NSMAF: variants seen among roughly 807,000 people sequenced by gnomAD.
NSMAF encodes the protein protein FAN.
NSMAF carries 90 observed loss-of-function variants against 134.9 expected under a neutral mutation model. That is an observed-to-expected ratio of 0.67 (90% CI 0.56 to 0.79). NSMAF has a LOEUF of 0.79. NSMAF is among the 30% of genes least tolerant of loss of function. NSMAF has a pLI of 0.00. For missense variants in NSMAF, 1,010 were observed against 1,119.0 expected, an observed-to-expected ratio of 0.90 and a Z score of 1.39; for synonymous variants, 358 against 389.6, an observed-to-expected ratio of 0.92 and a Z score of 0.96.
rs918361457 is a variant in NSMAF, at chr8:58,599,816, A to G, written c.1387T>C (p.Leu463=). 5 of 1,614,126 alleles carry G rather than the reference A, an allele frequency of 3.1e-6. No homozygotes were observed. The highest frequency in any genetic ancestry group is 1.7e-5 in the Admixed American group (1 of 60,016). ...DVSFLVNSLK[L]DLGKRQGGQM... ...CCTCCTTGTCTCTTTCCCAAATCCA[A>G]CTTCAGGCTATTGACTAGAAAGCTC... The change falls in exon 18 of 31, where the codon TTG becomes CTG. Residue 463 remains leucine (L), a synonymous_variant. Transcript: ENST00000038176.
At position 58,623,360 on chromosome 8, in the gene NSMAF, T is replaced by G. The variant is rs1387941435; in HGVS notation, c.504+17A>C. ...GTTAATTGACAATCAAAGACAGACA[T>G]TGTTAAGAATACTTACCATGGCGGT... On this transcript the variant is annotated intron_variant, in intron 8 of 30. Transcript: ENST00000038176. 6.2e-7 allele frequency: 1 copy of G among 1,613,026 alleles called. No homozygotes were observed. The highest frequency in any genetic ancestry group is 8.5e-7 in the Non-Finnish European group (1 of 1,179,162).
At chr8:58,653,461 AC>A (rs149019489) in intron 1 of NSMAF, among the ~76,000 whole-genome samples, 5,426 of 152,226 alleles carry the variant, frequency 0.036, 319 homozygotes, top group East Asian at 0.25. Flanking sequence ...AAGCCTTAGG[AC>A]ACAGAATAGT....
chr8:58,620,199 G>A (rs1806753666), intron 9 of NSMAF, among the ~76,000 whole-genome samples: 1 of 152,172 alleles, frequency 6.6e-6, no homozygotes, highest in Non-Finnish European at 1.5e-5. Flanking sequence ...GGTACTTATT[G>A]CAACTTGAAG....
intron 6 of NSMAF, among the ~76,000 whole-genome samples, chr8:58,625,511 T>C (rs1055485301): frequency 6.6e-6 from 1 of 152,336 alleles, no homozygotes; most frequent in East Asian, 1.9e-4. Flanking sequence ...ATCTTTCTGA[T>C]AAATTGACCC....
chr8:58,615,583 A>G (rs981767102), intron 9 of NSMAF, among the ~76,000 whole-genome samples: 1 of 152,230 alleles, frequency 6.6e-6, no homozygotes, highest in Non-Finnish European at 1.5e-5. Context: ...TAAATTACCT[A>G]TGGGCCAAAG....
intron 21 of NSMAF, chr8:58,595,863 G>C (rs1806127063): frequency 2.1e-6 from 1 of 484,048 alleles, no homozygotes. Flanking sequence ...AAGTATCTTT[G>C]AATAATACTA....
rs142293482 is a variant in NSMAF, at chr8:58,609,655, G to A, written c.636C>T (p.His212=). Residue 212 remains histidine, a synonymous_variant, in exon 10 of 31, where the codon CAC becomes CAT. Coordinates refer to ENST00000038176, the MANE Select transcript of NSMAF (RefSeq NM_003580.4). ...ACAGGTTTGTGTCCGTGATGCACAC[G>A]TGTCCAGGATTAGTCACCAGAGGCG... is the stretch of plus-strand genomic sequence containing the variant. The part of the protein sequence containing the change: ...MVTPLVTNPG[H]VCITDTNLYF... 206 of 1,614,134 alleles carry A rather than the reference G, an allele frequency of 1.3e-4. 1 individual carries two copies. The African/African-American group carries it at 2.2e-3, about 17-fold the overall frequency.
rs560366484 is a variant in NSMAF, at chr8:58,594,142, C to A, written c.1951+90G>T. On this transcript the variant is annotated intron_variant, in intron 23 of 30. Transcript: ENST00000038176. ...TTACTTTATGTGGAGGCAGCACATG[C>A]AAGTGCAGTCCTTGACCACGAGCTA... is the stretch of plus-strand genomic sequence containing the variant. 31 of 1,045,644 alleles carry A rather than the reference C, an allele frequency of 3.0e-5. 1 individual carries two copies. Among genetic ancestry groups the A allele is most frequent in the South Asian group, 5.2e-5 (4 of 76,724 alleles). The allele number at this position is 1,045,644 out of a possible 1,614,324, so 64.8% of individuals were successfully genotyped here.
intron 5 of NSMAF, among the ~76,000 whole-genome samples, chr8:58,633,983 G>A (rs1451342966): frequency 6.6e-6 from 1 of 152,140 alleles, no homozygotes; most frequent in Non-Finnish European, 1.5e-5. Context: ...TAACTAAAAT[G>A]TATAGTTTTA....
chr8:58,619,343 A>C (rs1474615179), intron 9 of NSMAF, among the ~76,000 whole-genome samples: 1 of 152,206 alleles, frequency 6.6e-6, no homozygotes, highest in Non-Finnish European at 1.5e-5. Flanking sequence ...AATAAAATAG[A>C]ATATTACAAA....
At chr8:58,587,974 G>T (rs1805929842) in intron 26 of NSMAF, among the ~76,000 whole-genome samples, 2 of 152,146 alleles carry the variant, frequency 1.3e-5, no homozygotes, top group South Asian at 4.1e-4. Context: ...AAGGAAATAT[G>T]AGTGTAGAAG....
chr8:58,601,401 C>A, intron 15 of NSMAF, 44 bp downstream of exon 15: 1 of 1,610,334 alleles, frequency 6.2e-7, no homozygotes, highest in Non-Finnish European at 8.5e-7. Context: ...TTGAAGAATA[C>A]AGTGAAATAA....
At chr8:58,623,196 T>C in intron 9 of NSMAF, 24 bp downstream of exon 9, 1 of 1,549,156 alleles carries the variant, frequency 6.5e-7, no homozygotes, top group Non-Finnish European at 8.9e-7. Context: ...CTTTTCTAAT[T>C]AGGAAAGATC....
chr8:58,655,681 G>A (rs922776081), intron 1 of NSMAF, among the ~76,000 whole-genome samples: 25 of 152,212 alleles, frequency 1.6e-4, no homozygotes, highest in Non-Finnish European at 3.2e-4. Flanking sequence ...GCCGAGGCGG[G>A]CGGATCACGA....
rs897523140 is a variant in NSMAF at position 58,613,530 on chromosome 8, G to A, written c.558-3797C>T. Reference sequence around the variant, plus strand: ...AGTACTGAAAAATACGAGAATTACCGAAAAGAAGGGAGAAAAGGAGGAGCA... The same window carrying A: ...AGTACTGAAAAATACGAGAATTACCAAAAAGAAGGGAGAAAAGGAGGAGCA... On this transcript the variant is annotated intron_variant, in intron 9 of 30. Coordinates refer to ENST00000038176, the MANE Select transcript of NSMAF (RefSeq NM_003580.4). Among the ~76,000 whole-genome samples the A allele has an allele frequency of 8.6e-5, 13 of 151,316 alleles. No individual in the cohort carries two copies. The East Asian group carries it at 9.7e-4, about 11-fold the overall frequency.
At chr8:58,616,165 G>A (rs2129143299) in intron 9 of NSMAF, among the ~76,000 whole-genome samples, 1 of 152,258 alleles carries the variant, frequency 6.6e-6, no homozygotes, top group African/African-American at 2.4e-5. Context: ...TTTAGACCTA[G>A]ATGGCTTCAT....
chr8:58,636,249 C>T (rs1199873935), intron 2 of NSMAF, among the ~76,000 whole-genome samples: 1 of 152,192 alleles, frequency 6.6e-6, no homozygotes, highest in Non-Finnish European at 1.5e-5. Flanking sequence ...TGTATAACCC[C>T]CTGGGACCCT....
rs767768179 is a variant in NSMAF at position 58,635,457 on chromosome 8, A to T, written c.228+11T>A. On this transcript the variant is annotated intron_variant, in intron 3 of 30. Transcript: ENST00000038176. ...TAGGAATGTTTCTGTTCATATTTAAAATGTATTTACCTTGATGATGGGCTG... is the reference window on the plus strand; with the variant it reads ...TAGGAATGTTTCTGTTCATATTTAATATGTATTTACCTTGATGATGGGCTG... 1 of 1,588,336 alleles carries T rather than the reference A, an allele frequency of 6.3e-7. No individual in the cohort carries two copies. Among genetic ancestry groups the T allele is most frequent in the Non-Finnish European group, 8.6e-7 (1 of 1,167,098 alleles).
At chr8:58,631,284 A>T in intron 6 of NSMAF, 1 of 345,646 alleles carries the variant, frequency 2.9e-6, no homozygotes, top group African/African-American at 2.2e-5. Flanking sequence ...TTTTTTTTTT[A>T]GGCACTTTTT....
Sources: allele counts gnomAD v4.1 joint callset (sites outside exome capture counted in the v4.1 genomes callset), GRCh38; gene constraint gnomAD v4.1.1; transcripts MANE v1.5; gene names NCBI Gene and HGNC (gene_info 2026-07-23, HGNC 2026-07-21).